The following TEX14 variants were observed in gnomAD, a reference collection of about 807,000 sequenced individuals.
The protein encoded by TEX14 is inactive serine/threonine-protein kinase TEX14.
A neutral mutation model predicts 178.6 loss-of-function variants in TEX14; 168 were observed. That is an observed-to-expected ratio of 0.94 (90% confidence interval 0.83 to 1.07). The LOEUF is 1.07. Ranked by LOEUF, TEX14 falls within the 50% of genes least tolerant of loss-of-function variation. The pLI is 0.00. For synonymous variants in TEX14, 626 were observed against 634.1 expected, an observed-to-expected ratio of 0.99 and a Z score of 0.19; for missense variants, 1,730 against 1,753.6, an observed-to-expected ratio of 0.99 and a Z score of 0.24.
chr17:58,599,914 G>A (rs2045388761), intron 13 of TEX14, among the ~76,000 whole-genome samples: 1 of 152,190 alleles, frequency 6.6e-6, no homozygotes, highest in Non-Finnish European at 1.5e-5. Context: ...CAGGGGTCTA[G>A]CCATGGAGGA....
At chr17:58,670,771 TTAAAA>T (rs2047291501) in intron 1 of TEX14, among the ~76,000 whole-genome samples, 2 of 7,956 alleles carry the variant, frequency 2.5e-4, no homozygotes, top group Admixed American at 2.1e-3. Flanking sequence ...AGACTCCCTC[TTAAAA>T]AAAAAAAAAA....
chr17:58,563,676 G>T (rs868060484), intron 28 of TEX14, among the ~76,000 whole-genome samples: 2 of 75,598 alleles, frequency 2.6e-5, no homozygotes, highest in Non-Finnish European at 5.0e-5. Flanking sequence ...GAGAGAGAGA[G>T]AGAGAGAGAG....
At chr17:58,622,437 C>CA (rs1336152646) in intron 4 of TEX14, among the ~76,000 whole-genome samples, 1,468 of 113,694 alleles carry the variant, frequency 0.013, 50 homozygotes, top group Admixed American at 0.091. Flanking sequence ...GACTCCTTCC[C>CA]AAAAAAAAAA....
chr17:58,620,853 T>C (rs1705921036), intron 5 of TEX14, among the ~76,000 whole-genome samples: 1 of 151,820 alleles, frequency 6.6e-6, no homozygotes, highest in Admixed American at 6.6e-5. Flanking sequence ...CTGGCCAGAG[T>C]GGCACGCAGC....
chr17:58,633,634 G>T (rs2046369388), intron 2 of TEX14, among the ~76,000 whole-genome samples: 1 of 151,856 alleles, frequency 6.6e-6, no homozygotes, highest in Non-Finnish European at 1.5e-5. Context: ...AGACCAGCCT[G>T]GCCAATGTGG....
intron 6 of TEX14, among the ~76,000 whole-genome samples, chr17:58,616,990 C>T (rs1470479970): frequency 3.3e-5 from 5 of 151,708 alleles, no homozygotes; most frequent in African/African-American, 4.8e-5. Context: ...TTGGCTCACG[C>T]CTGTAATCCC....
chr17:58,561,954 G>A (rs964651772), intron 28 of TEX14, among the ~76,000 whole-genome samples: 5 of 152,000 alleles, frequency 3.3e-5, no homozygotes, highest in African/African-American at 4.8e-5. Context: ...GCGTGGTCGC[G>A]TGCGCCTGTA....
chr17:58,654,274 C>T (rs2046902383), intron 1 of TEX14, among the ~76,000 whole-genome samples: 1 of 152,118 alleles, frequency 6.6e-6, no homozygotes, highest in Admixed American at 6.5e-5. Context: ...CCTGGCCTTT[C>T]TCAGGCCCTA....
intron 28 of TEX14, among the ~76,000 whole-genome samples, chr17:58,563,618 AATTTATATAT>A (rs1218825974): frequency 5.2e-4 from 28 of 53,428 alleles, no homozygotes; most frequent in Non-Finnish European, 7.6e-4. Flanking sequence ...GCCCATCTCT[AATTTATATAT>A]ATATATATAT....
chr17:58,628,955 T>C (rs896805113), intron 3 of TEX14, among the ~76,000 whole-genome samples: 2 of 152,102 alleles, frequency 1.3e-5, no homozygotes, highest in African/African-American at 4.8e-5. Flanking sequence ...CAGAGCCTCC[T>C]TAAGTAAGAT....
chr17:58,676,167 G>C (rs1374210774), intron 1 of TEX14, among the ~76,000 whole-genome samples: 1 of 152,162 alleles, frequency 6.6e-6, no homozygotes, highest in Non-Finnish European at 1.5e-5. Flanking sequence ...CCTGAGATCA[G>C]GAGTTCAAGC....
intron 2 of TEX14, among the ~76,000 whole-genome samples, chr17:58,639,515 A>G (rs1271928937): frequency 1.3e-5 from 2 of 152,066 alleles, no homozygotes; most frequent in Non-Finnish European, 2.9e-5. Flanking sequence ...AGCCTGACCA[A>G]CATAGAGAAA....
chr17:58,667,386 C>T (rs905350967), intron 1 of TEX14, among the ~76,000 whole-genome samples: 5 of 152,190 alleles, frequency 3.3e-5, no homozygotes, highest in Admixed American at 3.3e-4. Flanking sequence ...AAAACAAATA[C>T]ATTAACGAAC....
intron 1 of TEX14, among the ~76,000 whole-genome samples, chr17:58,665,470 T>G (rs1159530816): frequency 1.3e-5 from 2 of 151,928 alleles, no homozygotes; most frequent in Non-Finnish European, 2.9e-5. Flanking sequence ...TGGTCATGCG[T>G]GGCTGTAGTC....
intron 31 of TEX14, among the ~76,000 whole-genome samples, chr17:58,557,382 T>C (rs1389900675): frequency 6.6e-6 from 1 of 152,206 alleles, no homozygotes; most frequent in African/African-American, 2.4e-5. Context: ...GCGATTGTCC[T>C]GCCTCAGCCT....
At chr17:58,592,575 C>A (rs1330491109) in intron 15 of TEX14, among the ~76,000 whole-genome samples, 1 of 151,078 alleles carries the variant, frequency 6.6e-6, no homozygotes, top group Admixed American at 6.6e-5. Context: ...ACCTCGTGAT[C>A]TGCCTGCCTT....
intron 1 of TEX14, among the ~76,000 whole-genome samples, chr17:58,689,076 GCC>G (rs2047649363): frequency 6.7e-6 from 1 of 150,066 alleles, no homozygotes; most frequent in African/African-American, 2.5e-5. Flanking sequence ...GACTACAGGT[GCC>G]TGCCACCACA....
At chr17:58,610,052 T>C (rs1410117980) in intron 10 of TEX14, among the ~76,000 whole-genome samples, 1 of 152,204 alleles carries the variant, frequency 6.6e-6, no homozygotes, top group African/African-American at 2.4e-5. Context: ...GAGCTGTGGA[T>C]GGCAGTAAGG....
chr17:58,632,021 G>T (rs1431302833), intron 2 of TEX14, among the ~76,000 whole-genome samples: 2 of 152,114 alleles, frequency 1.3e-5, no homozygotes, highest in African/African-American at 4.8e-5. Flanking sequence ...GATACTTTAG[G>T]CAATCACTGT....
Sources: gnomAD v4.1 joint callset for allele counts (sites outside exome capture counted in the v4.1 genomes callset) on GRCh38, gnomAD v4.1.1 for gene constraint, MANE v1.5 for transcripts, NCBI Gene and HGNC (gene_info 2026-07-23, HGNC 2026-07-21) for gene names.